RAD51B: variants seen among roughly 807,000 people sequenced by gnomAD.
RAD51B encodes the protein RAD51 paralog B.
RAD51B carries 38 observed loss-of-function variants against 42.2 expected under a neutral mutation model. That is an observed-to-expected ratio of 0.90 (90% confidence interval 0.70 to 1.18). RAD51B has a LOEUF of 1.18. Ranked by LOEUF, RAD51B falls within the 50% of genes most tolerant of loss-of-function variation. The probability of loss-of-function intolerance (pLI) is 0.00; values close to 1 mark genes in which losing one functional copy is unlikely to be tolerated. For missense variants in RAD51B, 373 were observed against 400.7 expected, an observed-to-expected ratio of 0.93 and a Z score of 0.59; for synonymous variants, 154 against 145.2, an observed-to-expected ratio of 1.06 and a Z score of -0.43.
At chr14:67,984,046 C>G (rs1010923420) in intron 7 of RAD51B, among the ~76,000 whole-genome samples, 5 of 151,812 alleles carry the variant, frequency 3.3e-5, no homozygotes, top group Middle Eastern at 3.2e-3. Context: ...TCAAGTGATT[C>G]TCCTGCCTCA....
chr14:68,235,294 T>G (rs1307382081), intron 7 of RAD51B, among the ~76,000 whole-genome samples: 2 of 151,942 alleles, frequency 1.3e-5, no homozygotes, highest in African/African-American at 4.8e-5. Flanking sequence ...CTCCATTATA[T>G]TGTTGACCAC....
chr14:68,481,392 C>G (rs1440960566), downstream of RAD51B, among the ~76,000 whole-genome samples: 1 of 152,178 alleles, frequency 6.6e-6, no homozygotes, highest in Non-Finnish European at 1.5e-5. Context: ...TTAAGTGGCT[C>G]CTCCTTGAGA....
intron 8 of RAD51B, among the ~76,000 whole-genome samples, chr14:68,293,655 A>G (rs2081557309): frequency 6.6e-6 from 1 of 152,152 alleles, no homozygotes; most frequent in East Asian, 1.9e-4. Context: ...CTCGTCCCAC[A>G]TCCACTCCTT....
rs189494446 is a variant in RAD51B at position 67,927,241 on chromosome 14, A to T, written c.756+40037A>T. 2.5e-3 allele frequency among the ~76,000 whole-genome samples: 381 copies of T among 152,224 alleles called. 2 individuals are homozygous for T. The highest frequency in any genetic ancestry group is 4.6e-3 in the Admixed American group (70 of 15,288). ...TTTTTCTCTTTAATTGTCATATTTT[A>T]TATATTTATGGGGTTCATGTGAGAG... On this transcript the variant is annotated intron_variant, in intron 7 of 10. Coordinates refer to ENST00000471583, the MANE Select transcript of RAD51B (RefSeq NM_133510.4).
intron 10 of RAD51B, among the ~76,000 whole-genome samples, chr14:68,646,729 A>G (rs968738283): frequency 1.8e-4 from 28 of 152,294 alleles, no homozygotes; most frequent in African/African-American, 6.7e-4. Context: ...CGTCTAAACT[A>G]TATGGAGTGT....
intron 8 of RAD51B, among the ~76,000 whole-genome samples, chr14:68,394,689 A>G (rs931023940): frequency 6.6e-6 from 1 of 152,164 alleles, no homozygotes; most frequent in Non-Finnish European, 1.5e-5. Flanking sequence ...TATCTACTTT[A>G]TCCCAGACAG....
At chr14:68,152,607 A>G (rs1287496098) in intron 7 of RAD51B, among the ~76,000 whole-genome samples, 1 of 152,070 alleles carries the variant, frequency 6.6e-6, no homozygotes, top group African/African-American at 2.4e-5. Flanking sequence ...TAATTGTTTT[A>G]ACTTTTTTAT....
chr14:68,673,525 C>T lies in RAD51B; in HGVS notation c.*11+22669C>T, dbSNP rs532986425. Among the ~76,000 whole-genome samples, 401 of 149,726 alleles carry T rather than the reference C, an allele frequency of 2.7e-3. 3 individuals are homozygous for T. Among genetic ancestry groups the T allele is most frequent in the African/African-American group, 6.4e-3 (255 of 39,738 alleles). ...ACATGTATGTACACACATATGTACG[C>T]GCACACACATACACATACATATGTA... On this transcript the variant is annotated intron_variant, in intron 11 of 11. Transcript: ENST00000488612.
intron 5 of RAD51B, among the ~76,000 whole-genome samples, chr14:67,873,364 A>C (rs1395928281): frequency 6.6e-6 from 1 of 152,214 alleles, no homozygotes; most frequent in Non-Finnish European, 1.5e-5. Context: ...CCATCAGAGA[A>C]ATGCAACTCA....
intron 7 of RAD51B, chr14:68,114,102 A>G (rs952106779): frequency 6.6e-6 from 1 of 152,052 alleles, no homozygotes; most frequent in Non-Finnish European, 1.5e-5. Flanking sequence ...ATACATATAT[A>G]TGGTTTTTCT....
At chr14:68,403,414 C>T (rs993675888) in intron 8 of RAD51B, among the ~76,000 whole-genome samples, 2 of 152,020 alleles carry the variant, frequency 1.3e-5, no homozygotes, top group Admixed American at 6.5e-5. Context: ...AGTTTGATCT[C>T]CTAGAAATGC....
At chr14:68,640,095 C>G (rs758198008) in intron 10 of RAD51B, among the ~76,000 whole-genome samples, 12 of 152,180 alleles carry the variant, frequency 7.9e-5, no homozygotes, top group Non-Finnish European at 1.5e-4. Context: ...AGCCACCATG[C>G]CCGGCCCAGG....
intron 9 of RAD51B, among the ~76,000 whole-genome samples, chr14:68,444,491 A>G (rs2085376943): frequency 6.6e-6 from 1 of 151,978 alleles, no homozygotes; most frequent in African/African-American, 2.4e-5. Flanking sequence ...AAAGAGGTTT[A>G]GGGAAAATTT....
intron 7 of RAD51B, among the ~76,000 whole-genome samples, chr14:68,279,653 C>T (rs1365281569): frequency 6.6e-6 from 1 of 152,142 alleles, no homozygotes; most frequent in Non-Finnish European, 1.5e-5. Context: ...CGCTGGTTCC[C>T]AAATATATTA....
intron 7 of RAD51B, among the ~76,000 whole-genome samples, chr14:67,971,188 T>C (rs1374263446): frequency 3.9e-5 from 6 of 152,138 alleles, no homozygotes; most frequent in Admixed American, 3.9e-4. Context: ...CAAAGCATTT[T>C]GAATTGATAT....
chr14:67,835,679 G>A (rs963193220), intron 4 of RAD51B, among the ~76,000 whole-genome samples: 1 of 148,748 alleles, frequency 6.7e-6, no homozygotes, highest in East Asian at 1.9e-4. Flanking sequence ...GCAAGACCCT[G>A]TCTTTACCAA....
intron 8 of RAD51B, among the ~76,000 whole-genome samples, chr14:68,309,036 A>G (rs972333074): frequency 1.3e-5 from 2 of 152,228 alleles, no homozygotes; most frequent in Non-Finnish European, 2.9e-5. Context: ...CTATGAACAT[A>G]TCTTTGATGC....
At chr14:68,175,884 C>T (rs1468485999) in intron 7 of RAD51B, among the ~76,000 whole-genome samples, 2 of 152,198 alleles carry the variant, frequency 1.3e-5, no homozygotes, top group Non-Finnish European at 2.9e-5. Context: ...AAGCCAATGG[C>T]TTAATGATTT....
intron 7 of RAD51B, among the ~76,000 whole-genome samples, chr14:68,117,411 G>A (rs1204937534): frequency 1.3e-5 from 2 of 152,026 alleles, no homozygotes; most frequent in African/African-American, 4.8e-5. Flanking sequence ...GGTCTAGATA[G>A]AATATACTAT....
Sources: allele counts gnomAD v4.1 joint callset (sites outside exome capture counted in the v4.1 genomes callset), GRCh38; gene constraint gnomAD v4.1.1; transcripts MANE v1.5; gene names NCBI Gene and HGNC (gene_info 2026-07-23, HGNC 2026-07-21).